Variants in ATL2 observed in about 807,000 individuals in gnomAD.
ATL2 encodes atlastin GTPase 2, also known as atlastin-2.
In ATL2, 31 loss-of-function variants were observed where a neutral mutation model predicts 73.9. The observed-to-expected ratio is 0.42, with a 90% CI of 0.32 to 0.57. ATL2 has a LOEUF of 0.57. ATL2 is among the 20% of genes least tolerant of loss of function. The pLI, the probability that ATL2 is intolerant of heterozygous loss-of-function variation, is 0.14. For missense variants in ATL2, 738 were observed against 702.6 expected, an observed-to-expected ratio of 1.05 and a Z score of -0.57; for synonymous variants, 291 against 237.5, an observed-to-expected ratio of 1.23 and a Z score of -2.07.
intron 7 of ATL2, among the ~76,000 whole-genome samples, chr2:38,310,917 G>A (rs1187609774): frequency 3.9e-5 from 6 of 151,938 alleles, no homozygotes; most frequent in Non-Finnish European, 8.8e-5. Context: ...ATGAGCCACC[G>A]CACCCAGCCA....
chr2:38,357,003 C>T (rs1211902235), intron 1 of ATL2, among the ~76,000 whole-genome samples: 1 of 152,044 alleles, frequency 6.6e-6, no homozygotes, highest in Non-Finnish European at 1.5e-5. Context: ...ACCTTGTATA[C>T]AGTACATAAT....
At chr2:38,336,129 C>T (rs1183100316) in intron 2 of ATL2, among the ~76,000 whole-genome samples, 1 of 152,184 alleles carries the variant, frequency 6.6e-6, no homozygotes, top group Non-Finnish European at 1.5e-5. Flanking sequence ...GAACATAAGA[C>T]AGTTTTTCTT....
chr2:38,331,340 G>T (rs368806156), intron 2 of ATL2, among the ~76,000 whole-genome samples: 2 of 151,402 alleles, frequency 1.3e-5, no homozygotes, highest in East Asian at 1.9e-4. Context: ...GGAGGCGGAG[G>T]CAGGAGAATC....
At chr2:38,375,779 T>G (rs556559066) in intron 1 of ATL2, among the ~76,000 whole-genome samples, 1 of 152,198 alleles carries the variant, frequency 6.6e-6, no homozygotes, top group African/African-American at 2.4e-5. Flanking sequence ...CGAAGCTGCT[T>G]CTTTGGTAGT....
intron 1 of ATL2, among the ~76,000 whole-genome samples, chr2:38,366,138 CTA>C (rs1192615014): frequency 2.0e-5 from 3 of 150,544 alleles, no homozygotes; most frequent in Non-Finnish European, 4.4e-5. Flanking sequence ...GAGCTTCGCA[CTA>C]TACTCTCCTT....
chr2:38,350,906 T>G (rs1308108621), intron 1 of ATL2, among the ~76,000 whole-genome samples: 1 of 152,170 alleles, frequency 6.6e-6, no homozygotes, highest in Non-Finnish European at 1.5e-5. Flanking sequence ...ACCTAGATCC[T>G]CAGCAAATTT....
chr2:38,309,255 G>C (rs1667613518), intron 9 of ATL2, 124 bp downstream of exon 9: 3 of 961,592 alleles, frequency 3.1e-6, no homozygotes, highest in Non-Finnish European at 4.4e-6. Context: ...AAGGCAGAAA[G>C]ATAAATCACA....
chr2:38,330,808 A>T (rs111480325), intron 2 of ATL2, among the ~76,000 whole-genome samples: 65 of 152,380 alleles, frequency 4.3e-4, no homozygotes, highest in African/African-American at 1.5e-3. Context: ...TCCCAAATTG[A>T]TCTTTCAGAT....
At chr2:38,325,906 T>TAAAAA (rs761254087) in intron 2 of ATL2, among the ~76,000 whole-genome samples, 620 of 51,968 alleles carry the variant, frequency 0.012, 6 homozygotes, top group African/African-American at 0.034. Context: ...TTTGTTTGTT[T>TAAAAA]AAAAAAAAAA....
At chr2:38,364,387 AAC>A (rs1177036806) in intron 1 of ATL2, among the ~76,000 whole-genome samples, 26 of 152,224 alleles carry the variant, frequency 1.7e-4, no homozygotes, top group Non-Finnish European at 3.4e-4. Flanking sequence ...TGCAGAGATA[AAC>A]TCAAAGTGAT....
At chr2:38,358,910 T>A (rs1266828070) in intron 1 of ATL2, among the ~76,000 whole-genome samples, 2 of 152,126 alleles carry the variant, frequency 1.3e-5, no homozygotes, top group Non-Finnish European at 2.9e-5. Context: ...GATAAATTTT[T>A]TTTGAAGGAA....
intron 1 of ATL2, among the ~76,000 whole-genome samples, chr2:38,366,868 A>T (rs1273778438): frequency 6.6e-6 from 1 of 152,136 alleles, no homozygotes; most frequent in African/African-American, 2.4e-5. Context: ...ATGGTCCTCT[A>T]TTTGCCTGTC....
chr2:38,344,620 C>CA lies in ATL2; in HGVS notation c.119-1109dup, dbSNP rs750453405. Among the ~76,000 whole-genome samples, 34 of 150,944 alleles carry CA rather than the reference C, an allele frequency of 2.3e-4. 3 individuals are homozygous for CA. The highest frequency in any genetic ancestry group is 9.2e-4 in the Admixed American group (14 of 15,160). The stretch of plus-strand genomic sequence containing the variant: ...GTGAGTCTCAGTCTCAAAAAACAAA[C>CA]AAAAAAAAATTATTCATGTTATTTT... On this transcript the variant is annotated intron_variant, in intron 1 of 12. Transcript: ENST00000378954.
In ATL2 at chr2:38,296,050, T is replaced by C. The variant is rs1172732635; in HGVS notation, c.1696A>G (p.Ile566Val). The C allele has an allele frequency of 1.9e-6, 3 of 1,551,650 alleles. No individual in the cohort carries two copies. Among genetic ancestry groups the C allele is most frequent in the South Asian group, 1.2e-5 (1 of 84,060 alleles). Residue 566 changes from isoleucine (I) to valine (V), a missense_variant, in exon 13 of 13, where the codon ATC (isoleucine) becomes GTC (valine). Transcript: ENST00000378954. ...ENIRQSVTNS[I>V]KAGLTDQVSH... is the part of the protein sequence containing the mutation. ...ACCTGGTCAGTCAGGCCTGCTTTGA[T>C]AGAGTTTGTTACAGACTGCCTTATG...
chr2:38,376,319 G>C (rs1057074322), intron 1 of ATL2: 2 of 1,238,732 alleles, frequency 1.6e-6, no homozygotes, highest in East Asian at 2.6e-5. Context: ...AGGGGGCAGG[G>C]GCGCTCCTGG....
intron 1 of ATL2, among the ~76,000 whole-genome samples, chr2:38,366,218 G>A (rs548458410): frequency 4.6e-5 from 7 of 152,072 alleles, no homozygotes; most frequent in Non-Finnish European, 7.4e-5. Context: ...AAACACACAC[G>A]CTCAAAAACA....
chr2:38,342,054 C>T (rs1669752114), intron 2 of ATL2, among the ~76,000 whole-genome samples: 1 of 152,198 alleles, frequency 6.6e-6, no homozygotes, highest in Admixed American at 6.5e-5. Context: ...CTTTCAAACT[C>T]CCATTCCCTC....
At chr2:38,372,637 A>G (rs1671753543) in intron 1 of ATL2, among the ~76,000 whole-genome samples, 1 of 152,258 alleles carries the variant, frequency 6.6e-6, no homozygotes, top group Non-Finnish European at 1.5e-5. Flanking sequence ...ATGCACATTT[A>G]TTAAAATGAA....
chr2:38,356,977 T>C (rs72904210), intron 1 of ATL2, among the ~76,000 whole-genome samples: 18,596 of 152,198 alleles, frequency 0.12, 3,369 homozygotes, highest in African/African-American at 0.4. Context: ...ACTTTGTGTT[T>C]GCTGTAAACT....
Sources: gnomAD v4.1 joint callset for allele counts (sites outside exome capture counted in the v4.1 genomes callset) on GRCh38, gnomAD v4.1.1 for gene constraint, MANE v1.5 for transcripts, NCBI Gene and HGNC (gene_info 2026-07-23, HGNC 2026-07-21) for gene names.